SKAP1: variants seen among roughly 807,000 people sequenced by gnomAD.
The protein encoded by SKAP1 is src kinase-associated phosphoprotein 1.
Under a neutral mutation model 58.5 loss-of-function variants are expected in SKAP1, and 44 were observed. The observed-to-expected ratio is 0.75, with a 90% CI of 0.59 to 0.97. The LOEUF (loss-of-function observed/expected upper bound fraction) is 0.97. SKAP1 is among the 50% of genes least tolerant of loss of function. The pLI is 0.00. For synonymous variants in SKAP1, 127 were observed against 149.7 expected (o/e 0.85, Z 1.11); for missense variants, 390 against 435.2 (o/e 0.90, Z 0.92).
chr17:48,137,417 T>A, intron 11 of SKAP1, 80 bp from the exon 12 acceptor site: 1 of 939,112 alleles, frequency 1.1e-6, no homozygotes. Flanking sequence ...GCATGGGAGA[T>A]TCTGTTTGGT....
intron 4 of SKAP1, among the ~76,000 whole-genome samples, chr17:48,190,042 A>G (rs1342087472): frequency 6.6e-6 from 1 of 151,842 alleles, no homozygotes; most frequent in Non-Finnish European, 1.5e-5. Context: ...ATATACACTA[A>G]TTTGTAGTAA....
chr17:48,189,642 A>G (rs2064510229), intron 4 of SKAP1, 142 bp from the exon 5 acceptor site: 1 of 583,126 alleles, frequency 1.7e-6, no homozygotes, highest in Non-Finnish European at 3.0e-6. Flanking sequence ...CAATTTCTGT[A>G]TGATTGGAGG....
chr17:48,145,913 ACCAGAG>A (rs1311187273), intron 11 of SKAP1, among the ~76,000 whole-genome samples: 1 of 151,832 alleles, frequency 6.6e-6, no homozygotes, highest in East Asian at 1.9e-4. Context: ...AGATTCTTAA[ACCAGAG>A]TCTGTGAACC....
rs576593220 is a variant in SKAP1 at position 48,184,877 on chromosome 17, T to C, written c.443-30A>G. ...AAGACAGGAAAGCTCCCTGTATCCCTAGAGAGATGCAACTGCCAAGGGAAG... is the reference window on the plus strand; with the variant it reads ...AAGACAGGAAAGCTCCCTGTATCCCCAGAGAGATGCAACTGCCAAGGGAAG... On this transcript the variant is annotated intron_variant, in intron 6 of 12. Coordinates refer to ENST00000336915, the MANE Select transcript of SKAP1 (RefSeq NM_003726.4). 1.1e-5 allele frequency: 17 copies of C among 1,597,094 alleles called. No homozygotes were observed. In the South Asian group the frequency reaches 1.8e-4, roughly 17 times the overall value.
At chr17:48,143,703 G>A (rs2063795774) in intron 11 of SKAP1, among the ~76,000 whole-genome samples, 1 of 152,176 alleles carries the variant, frequency 6.6e-6, no homozygotes, top group African/African-American at 2.4e-5. Flanking sequence ...CAGAGAGTGG[G>A]CAGTGTTGTC....
intron 2 of SKAP1, 113 bp downstream of exon 2, chr17:48,396,567 C>A: frequency 1.7e-6 from 1 of 599,250 alleles, no homozygotes; most frequent in Non-Finnish European, 2.9e-6. Flanking sequence ...TATTAAGTTT[C>A]TGCCAAGTAT....
At chr17:48,313,536 G>T (rs1160758115) in intron 4 of SKAP1, among the ~76,000 whole-genome samples, 5 of 152,082 alleles carry the variant, frequency 3.3e-5, no homozygotes, top group Non-Finnish European at 7.4e-5. Flanking sequence ...CTTGGCAACA[G>T]ACCTTCCAAT....
At chr17:48,158,383 A>C (rs67446770) in intron 11 of SKAP1, among the ~76,000 whole-genome samples, 77,112 of 141,426 alleles carry the variant, frequency 0.55, 21,944 homozygotes, top group East Asian at 0.76. Flanking sequence ...CGTCTCTATT[A>C]AAAATACAAA....
chr17:48,330,908 C>G (rs933497881), intron 4 of SKAP1, among the ~76,000 whole-genome samples: 2 of 152,104 alleles, frequency 1.3e-5, no homozygotes, highest in African/African-American at 4.8e-5. Context: ...GGCAAGGATT[C>G]TGTTATCGTT....
At chr17:48,328,045 C>T (rs2066460597) in intron 4 of SKAP1, among the ~76,000 whole-genome samples, 1 of 152,168 alleles carries the variant, frequency 6.6e-6, no homozygotes, top group African/African-American at 2.4e-5. Flanking sequence ...ACAACAATGG[C>T]AAGAGTGAGA....
At chr17:48,344,724 G>A (rs1235093482) in intron 4 of SKAP1, among the ~76,000 whole-genome samples, 3 of 151,846 alleles carry the variant, frequency 2.0e-5, no homozygotes, top group Non-Finnish European at 4.4e-5. Flanking sequence ...TTAAAACTTG[G>A]GTATTACTAA....
chr17:48,295,058 A>T (rs2144097680), intron 4 of SKAP1, among the ~76,000 whole-genome samples: 1 of 152,334 alleles, frequency 6.6e-6, no homozygotes, highest in Middle Eastern at 3.4e-3. Flanking sequence ...GTAAAAATTT[A>T]AATGACTAAC....
At chr17:48,407,822 C>A (rs2067607460) in intron 1 of SKAP1, among the ~76,000 whole-genome samples, 1 of 150,340 alleles carries the variant, frequency 6.7e-6, no homozygotes, top group African/African-American at 2.5e-5. Context: ...CCACTGCATT[C>A]CAGCATGGGC....
At chr17:48,403,556 G>A (rs2067530276) in intron 1 of SKAP1, among the ~76,000 whole-genome samples, 1 of 151,922 alleles carries the variant, frequency 6.6e-6, no homozygotes, top group Non-Finnish European at 1.5e-5. Context: ...GAAAAAATAA[G>A]ACACCTACAG....
At chr17:48,160,189 A>G (rs1344582293) in intron 11 of SKAP1, among the ~76,000 whole-genome samples, 3 of 152,138 alleles carry the variant, frequency 2.0e-5, no homozygotes, top group Admixed American at 6.5e-5. Context: ...TGCAGTGGCA[A>G]TCATGGCAAA....
chr17:48,377,715 T>G (rs896117457), intron 2 of SKAP1, among the ~76,000 whole-genome samples: 3 of 152,030 alleles, frequency 2.0e-5, no homozygotes, highest in African/African-American at 7.2e-5. Flanking sequence ...AAGATTAGGA[T>G]TTTTCTAGGC....
At chr17:48,206,170 A>G (rs1477518620) in intron 4 of SKAP1, among the ~76,000 whole-genome samples, 3 of 152,250 alleles carry the variant, frequency 2.0e-5, no homozygotes. Context: ...AGAATTAGGG[A>G]TGGTGACTTA....
At chr17:48,260,661 A>G (rs1247334791) in intron 4 of SKAP1, among the ~76,000 whole-genome samples, 1 of 152,192 alleles carries the variant, frequency 6.6e-6, no homozygotes, top group East Asian at 1.9e-4. Context: ...ACATGGAAAG[A>G]AACAGGTAAA....
intron 4 of SKAP1, among the ~76,000 whole-genome samples, chr17:48,225,908 T>C (rs1387517434): frequency 6.6e-6 from 1 of 152,212 alleles, no homozygotes; most frequent in Non-Finnish European, 1.5e-5. Flanking sequence ...CGATTCATCA[T>C]GCCAGGAGCT....
Sources: gnomAD v4.1 joint callset for allele counts (sites outside exome capture counted in the v4.1 genomes callset) on GRCh38, gnomAD v4.1.1 for gene constraint, MANE v1.5 for transcripts, NCBI Gene and HGNC (gene_info 2026-07-23, HGNC 2026-07-21) for gene names.